Variants in MINPP1 observed in about 807,000 individuals in gnomAD.
MINPP1 encodes multiple inositol-polyphosphate phosphatase 1, also known as multiple inositol polyphosphate phosphatase 1.
In MINPP1, 28 loss-of-function variants were observed where a neutral mutation model predicts 46.1. The observed-to-expected ratio is 0.61, with a 90% CI of 0.45 to 0.83. The LOEUF is 0.83. Ranked by LOEUF, MINPP1 falls within the 40% of genes least tolerant of loss-of-function variation. The probability of loss-of-function intolerance (pLI) is 0.00; values close to 1 mark genes in which losing one functional copy is unlikely to be tolerated. For missense variants in MINPP1, 603 were observed against 610.0 expected (o/e 0.99, Z 0.12); for synonymous variants, 268 against 249.1 (o/e 1.08, Z -0.72).
intron 4 of MINPP1, among the ~76,000 whole-genome samples, chr10:87,539,981 C>T (rs908797162): frequency 5.3e-5 from 8 of 152,246 alleles, no homozygotes; most frequent in Non-Finnish European, 1.2e-4. Context: ...ATCCTCATAC[C>T]TCAGCCTCCC....
chr10:87,523,792 G>T (rs1246635230), intron 4 of MINPP1, among the ~76,000 whole-genome samples: 1 of 152,094 alleles, frequency 6.6e-6, no homozygotes, highest in Non-Finnish European at 1.5e-5. Flanking sequence ...ATCTCCATCA[G>T]AGCTCTTGGA....
intron 4 of MINPP1, among the ~76,000 whole-genome samples, chr10:87,529,033 C>T (rs1851619385): frequency 6.6e-6 from 1 of 152,016 alleles, no homozygotes. Flanking sequence ...GATTGCAACC[C>T]CTGCTTTTTT....
intron 3 of MINPP1, among the ~76,000 whole-genome samples, chr10:87,515,573 C>T (rs945364699): frequency 6.6e-6 from 1 of 152,176 alleles, no homozygotes; most frequent in East Asian, 1.9e-4. Context: ...TTTACTTCAG[C>T]AATTTGTTAG....
At chr10:87,533,153 A>G (rs1564679225) in intron 4 of MINPP1, among the ~76,000 whole-genome samples, 1 of 151,968 alleles carries the variant, frequency 6.6e-6, no homozygotes, top group Non-Finnish European at 1.5e-5. Flanking sequence ...GAATGTTAGT[A>G]TGTATACAGA....
chr10:87,517,440 A>G (rs1322861933), intron 3 of MINPP1, among the ~76,000 whole-genome samples: 1 of 152,138 alleles, frequency 6.6e-6, no homozygotes, highest in Non-Finnish European at 1.5e-5. Flanking sequence ...TTGTATTATC[A>G]TGGTGGGGGC....
intron 3 of MINPP1, among the ~76,000 whole-genome samples, chr10:87,513,829 A>C (rs886505172): frequency 2.0e-5 from 3 of 152,206 alleles, no homozygotes; most frequent in East Asian, 3.9e-4. Flanking sequence ...GGAGGTCAGA[A>C]GTTCAAATTG....
Position 87,533,019 on chromosome 10 carries a change from T to A in MINPP1, c.1067+11850T>A, listed in dbSNP as rs192422537. Among the ~76,000 whole-genome samples, 195 of 152,194 alleles carry A rather than the reference T, an allele frequency of 1.3e-3. 1 individual carries two copies. Among genetic ancestry groups the A allele is most frequent in the East Asian group, 5.6e-3 (29 of 5,186 alleles). On this transcript the variant is annotated intron_variant, in intron 4 of 4. Transcript: ENST00000371996. ...TGTACATGACTTAAAATCCTTTTTT[T>A]AAATTTGGAATTAGAGTTTATAAGT... is the stretch of plus-strand genomic sequence containing the variant.
intron 4 of MINPP1, among the ~76,000 whole-genome samples, chr10:87,549,159 G>C (rs1851928692): frequency 6.6e-6 from 1 of 152,062 alleles, no homozygotes; most frequent in Non-Finnish European, 1.5e-5. Context: ...GTAAAAAAAG[G>C]GGGGAAGGTG....
chr10:87,507,440 C>G (rs1009698044), intron 1 of MINPP1, among the ~76,000 whole-genome samples: 1 of 152,086 alleles, frequency 6.6e-6, no homozygotes, highest in South Asian at 2.1e-4. Flanking sequence ...GAATTGCAAT[C>G]CAGTTGACAA....
intron 4 of MINPP1, among the ~76,000 whole-genome samples, chr10:87,523,452 G>A (rs983437881): frequency 1.1e-4 from 16 of 150,984 alleles, no homozygotes; most frequent in Admixed American, 3.3e-4. Flanking sequence ...CTGGGTTCAC[G>A]CCATTCTCCT....
chr10:87,532,466 C>T (rs1360545696), intron 4 of MINPP1, among the ~76,000 whole-genome samples: 1 of 152,202 alleles, frequency 6.6e-6, no homozygotes, highest in East Asian at 1.9e-4. Context: ...CCCTTTAAGA[C>T]AGGAAATCGT....
intron 2 of MINPP1, among the ~76,000 whole-genome samples, chr10:87,510,417 A>G (rs1213242979): frequency 6.6e-6 from 1 of 152,252 alleles, no homozygotes; most frequent in Non-Finnish European, 1.5e-5. Flanking sequence ...AGTCAATGCT[A>G]GTTAAATTGT....
intron 4 of MINPP1, among the ~76,000 whole-genome samples, chr10:87,537,511 TTG>T (rs1554853571): frequency 0.029 from 2,449 of 85,100 alleles, 48 homozygotes; most frequent in Non-Finnish European, 0.044. Flanking sequence ...TTATTACTGT[TTG>T]TGTGTGTGTG....
chr10:87,528,862 CTA>C (rs1851616390), intron 4 of MINPP1, among the ~76,000 whole-genome samples: 1 of 152,252 alleles, frequency 6.6e-6, no homozygotes, highest in Admixed American at 6.5e-5. Flanking sequence ...TTGTAGGTCT[CTA>C]AGGACTTGCT....
rs571188623 is a variant in MINPP1 at position 87,540,779 on chromosome 10, T to C, written c.1068-11303T>C. 1.2e-4 allele frequency among the ~76,000 whole-genome samples: 18 copies of C among 152,334 alleles called. No individual in the cohort carries two copies. The East Asian group carries it at 3.3e-3, about 28-fold the overall frequency. On this transcript the variant is annotated intron_variant, in intron 4 of 4. Coordinates refer to ENST00000371996, the MANE Select transcript of MINPP1 (RefSeq NM_004897.5). ...GTTTAAGAACCAGATTGGACTCTTT[T>C]AAGATTAACTCTAAATTGTGACACA...
chr10:87,549,836 T>C (rs1305666135), intron 4 of MINPP1, among the ~76,000 whole-genome samples: 1 of 152,254 alleles, frequency 6.6e-6, no homozygotes, highest in East Asian at 1.9e-4. Flanking sequence ...GGTTTCTGCC[T>C]AATGGCTAAA....
chr10:87,515,462 TATTAA>T (rs1384569892), intron 3 of MINPP1, among the ~76,000 whole-genome samples: 7 of 152,242 alleles, frequency 4.6e-5, no homozygotes, highest in Admixed American at 1.3e-4. Flanking sequence ...AATACATGTT[TATTAA>T]ATTAATTGAA....
chr10:87,552,825 C>T lies in MINPP1; in HGVS notation c.*347C>T. The T allele has an allele frequency of 3.3e-6, 1 of 303,234 alleles. No individual in the cohort carries two copies. The highest frequency in any genetic ancestry group is 3.6e-5 in the South Asian group (1 of 28,002). 18.8% of individuals were successfully genotyped at this position (303,234 alleles called of 1,614,324 possible). ...AAAGTGCTGGAGTAACAAAATATCT[C>T]AGTTGGACCATCCTTAACTTGATTG... On this transcript the variant is annotated 3_prime_UTR_variant, in exon 5 of 5. Coordinates refer to ENST00000371996, the MANE Select transcript of MINPP1 (RefSeq NM_004897.5).
Position 87,547,319 on chromosome 10 carries a change from GC to G in MINPP1, c.1068-4760del, listed in dbSNP as rs575962063. ...ATAGAGATGGGATTTTACTAGGTTG[GC>G]CCACCTGTTCTCAAACTCTTGGCCT... On this transcript the variant is annotated intron_variant, in intron 4 of 4. Transcript: ENST00000371996. 5.3e-3 allele frequency among the ~76,000 whole-genome samples: 807 copies of G among 152,056 alleles called. 8 individuals are homozygous for G. The highest frequency in any genetic ancestry group is 0.018 in the African/African-American group (761 of 41,466).
Sources: allele counts gnomAD v4.1 joint callset (sites outside exome capture counted in the v4.1 genomes callset), GRCh38; gene constraint gnomAD v4.1.1; transcripts MANE v1.5; gene names NCBI Gene and HGNC (gene_info 2026-07-23, HGNC 2026-07-21).